The following GARRE1 variants were observed in gnomAD, a reference collection of about 807,000 sequenced individuals.
The protein encoded by GARRE1 is granule associated Rac and RHOG effector 1.
A neutral mutation model predicts 103.2 loss-of-function variants in GARRE1; 49 were observed. The ratio of observed to expected loss-of-function variants is 0.47; its 90% CI spans 0.38 to 0.60. The LOEUF is 0.60. Ranked by LOEUF, GARRE1 falls within the 20% of genes least tolerant of loss-of-function variation. The pLI is 0.00. For missense variants in GARRE1, 1,199 were observed against 1,370.5 expected (o/e 0.87, Z 1.98); for synonymous variants, 505 against 532.8 (o/e 0.95, Z 0.72).
At chr19:34,271,880 A>T (rs962901222) in intron 1 of GARRE1, among the ~76,000 whole-genome samples, 2 of 151,938 alleles carry the variant, frequency 1.3e-5, no homozygotes, top group African/African-American at 4.8e-5. Context: ...AGCCTTTGGC[A>T]GGCTGGCTTC....
chr19:34,260,298 C>T (rs921269154), intron 1 of GARRE1, among the ~76,000 whole-genome samples: 8 of 152,162 alleles, frequency 5.3e-5, no homozygotes, highest in African/African-American at 1.4e-4. Context: ...TGTGACAATG[C>T]GATTGCATAC....
chr19:34,342,027 C>T lies in GARRE1; in HGVS notation c.2093C>T (p.Pro698Leu), dbSNP rs758116700. The change falls in exon 10 of 14, where the codon CCT (proline) becomes CTT (leucine). Residue 698 changes from proline (P) to leucine (L), a missense_variant. By Grantham distance (98) the Pro-to-Leu change is moderately conservative. Transcript: ENST00000299505. ...CAGCAGCCGTCACTGCCTGTGCCCC[C>T]TCCACCACGGGCACCCCAGGCTGGG... is the stretch of plus-strand genomic sequence containing the variant. ...QPQQPSLPVP[P>L]PPRAPQAGAH... 11 of 1,614,144 alleles carry T rather than the reference C, an allele frequency of 6.8e-6. No individual in the cohort carries two copies. The South Asian group carries it at 9.9e-5, about 14-fold the overall frequency.
At chr19:34,256,464 G>A (rs2145946920) in intron 1 of GARRE1, among the ~76,000 whole-genome samples, 1 of 151,310 alleles carries the variant, frequency 6.6e-6, no homozygotes, top group Middle Eastern at 3.4e-3. Flanking sequence ...AGGTTGCAGT[G>A]AGCCGAGGTC....
In GARRE1 at chr19:34,300,972, G is replaced by A. The variant is rs779391650; in HGVS notation, c.495+4G>A. 6.3e-7 allele frequency: 1 copy of A among 1,593,024 alleles called. No homozygotes were observed. Among genetic ancestry groups the A allele is most frequent in the East Asian group, 2.2e-5 (1 of 44,716 alleles). On this transcript the variant is annotated splice_donor_region_variant and intron_variant, in intron 2 of 13. Transcript: ENST00000299505. ...ATTCAGTCTCCAGGACATTGAGGTA[G>A]AGTATCTTTTGTGTCATACTTGTGT...
chr19:34,259,832 T>C (rs371818713), intron 1 of GARRE1, among the ~76,000 whole-genome samples: 10 of 152,202 alleles, frequency 6.6e-5, no homozygotes, highest in African/African-American at 2.4e-4. Flanking sequence ...AATTTAATCA[T>C]ATGAGCAGTT....
Position 34,326,873 on chromosome 19 carries a change from G to A in GARRE1, c.706-548G>A, listed in dbSNP as rs913905530. ...GGTTCCTAAAATAAAGGGAGATTTC[G>A]GCCGGGCTCGGTGGCTCAAGCCAGT... On this transcript the variant is annotated intron_variant, in intron 3 of 13. Coordinates refer to ENST00000299505, the MANE Select transcript of GARRE1 (RefSeq NM_014686.5). Among the ~76,000 whole-genome samples, 4 of 152,034 alleles carry A rather than the reference G, an allele frequency of 2.6e-5. No individual in the cohort carries two copies. The South Asian group carries it at 6.3e-4, about 24-fold the overall frequency.
intron 2 of GARRE1, among the ~76,000 whole-genome samples, chr19:34,315,704 C>T: frequency 1.5e-5 from 1 of 66,294 alleles, no homozygotes; most frequent in Admixed American, 2.8e-4. Flanking sequence ...GAGCAAGACT[C>T]TGTCTCAAAA....
At chr19:34,328,856 A>G (rs900407648) in intron 6 of GARRE1, among the ~76,000 whole-genome samples, 1 of 152,070 alleles carries the variant, frequency 6.6e-6, no homozygotes, top group African/African-American at 2.4e-5. Flanking sequence ...GATCCACCCT[A>G]CTTGGCCTCC....
chr19:34,269,746 T>C (rs997743006), intron 1 of GARRE1, among the ~76,000 whole-genome samples: 3 of 152,172 alleles, frequency 2.0e-5, no homozygotes, highest in African/African-American at 7.2e-5. Flanking sequence ...TTTTAGTAGC[T>C]ACCTCTTGAC....
rs1203080087 is a variant in GARRE1 at position 34,353,079 on chromosome 19, G to C, written c.*124G>C. ...CAGAGGACCAGTGCGCCCCATCCCAGGGAGGGTTCCTTGGGGACAAGGGTG... is the reference window on the plus strand; with the variant it reads ...CAGAGGACCAGTGCGCCCCATCCCACGGAGGGTTCCTTGGGGACAAGGGTG... On this transcript the variant is annotated 3_prime_UTR_variant, in exon 14 of 14. Coordinates refer to ENST00000299505, the MANE Select transcript of GARRE1 (RefSeq NM_014686.5). 1.3e-5 allele frequency: 12 copies of C among 922,052 alleles called. No individual in the cohort carries two copies. Among genetic ancestry groups the C allele is most frequent in the Non-Finnish European group, 1.7e-5 (11 of 630,490 alleles). 57.1% of individuals were successfully genotyped at this position (922,052 alleles called of 1,614,324 possible). A position where few individuals can be genotyped will look rare whatever the true frequency, so the allele number is the denominator to read the frequency against.
At chr19:34,324,526 C>G (rs2074103305) in intron 3 of GARRE1, among the ~76,000 whole-genome samples, 1 of 141,392 alleles carries the variant, frequency 7.1e-6, no homozygotes, top group Non-Finnish European at 1.5e-5. Flanking sequence ...TTTTTTGAGA[C>G]TGGGTCTTGC....
At chr19:34,260,627 C>G (rs912552239) in intron 1 of GARRE1, among the ~76,000 whole-genome samples, 8 of 152,092 alleles carry the variant, frequency 5.3e-5, no homozygotes, top group Non-Finnish European at 8.8e-5. Flanking sequence ...GTGTGCTGCA[C>G]CCACTAACTC....
At chr19:34,330,120 T>G in intron 6 of GARRE1, 69 bp from the exon 7 acceptor site, 1 of 1,393,670 alleles carries the variant, frequency 7.2e-7, no homozygotes, top group Non-Finnish European at 9.9e-7. Context: ...TATAAATGCA[T>G]TTTTACAAAT....
At chr19:34,314,674 T>A (rs2074052266) in intron 2 of GARRE1, among the ~76,000 whole-genome samples, 1 of 152,230 alleles carries the variant, frequency 6.6e-6, no homozygotes, top group Admixed American at 6.5e-5. Flanking sequence ...GCTTTCTCCC[T>A]CGTTTGTTCT....
Position 34,327,469 on chromosome 19 carries a change from A to G in GARRE1, c.754A>G (p.Ile252Val). 6.2e-7 allele frequency: 1 copy of G among 1,614,160 alleles called. No homozygotes were observed. The highest frequency in any genetic ancestry group is 8.5e-7 in the Non-Finnish European group (1 of 1,180,002). ...ERGCDGCLAG[I>V]EVQQLFCSQS... The stretch of plus-strand genomic sequence containing the variant: ...AGGCTGTGATGGTTGCCTGGCAGGA[A>G]TTGAAGTTCAACAACTCTTTTGTTC... The change falls in exon 4 of 14, where the codon ATT (isoleucine) becomes GTT (valine). Residue 252 changes from isoleucine (I) to valine (V), a missense_variant. Physicochemically the swap from Ile to Val is conservative, Grantham distance 29. Coordinates refer to ENST00000299505, the MANE Select transcript of GARRE1 (RefSeq NM_014686.5).
At chr19:34,295,413 G>A (rs932637245) in intron 1 of GARRE1, among the ~76,000 whole-genome samples, 1 of 152,124 alleles carries the variant, frequency 6.6e-6, no homozygotes, top group African/African-American at 2.4e-5. Flanking sequence ...TTTTTATGTA[G>A]TAGAGAATTT....
intron 1 of GARRE1, among the ~76,000 whole-genome samples, chr19:34,283,441 T>TTTGC (rs1263402700): frequency 6.6e-6 from 1 of 152,230 alleles, no homozygotes; most frequent in Non-Finnish European, 1.5e-5. Context: ...GCCTGCTTCC[T>TTTGC]TTGCTTGCTT....
At chr19:34,270,658 T>C (rs1349152084) in intron 1 of GARRE1, among the ~76,000 whole-genome samples, 1 of 152,234 alleles carries the variant, frequency 6.6e-6, no homozygotes, top group African/African-American at 2.4e-5. Flanking sequence ...TCTAAACGAC[T>C]TATTTAGCAT....
At chr19:34,320,540 C>G (rs1363945912) in intron 3 of GARRE1, among the ~76,000 whole-genome samples, 1 of 152,086 alleles carries the variant, frequency 6.6e-6, no homozygotes, top group Non-Finnish European at 1.5e-5. Flanking sequence ...AGCCAGGCAG[C>G]GAGGCAGGCG....
Sources: gnomAD v4.1 joint callset for allele counts (sites outside exome capture counted in the v4.1 genomes callset) on GRCh38, gnomAD v4.1.1 for gene constraint, MANE v1.5 for transcripts, NCBI Gene and HGNC (gene_info 2026-07-23, HGNC 2026-07-21) for gene names.